Variants in LPGAT1 observed in about 807,000 individuals in gnomAD.
The protein encoded by LPGAT1 is lysophosphatidylglycerol acyltransferase 1.
In LPGAT1, 11 loss-of-function variants were observed where a neutral mutation model predicts 47.5. The observed-to-expected ratio is 0.23, with a 90% CI of 0.15 to 0.38. LPGAT1 has a LOEUF of 0.38. LPGAT1 is among the 10% of genes least tolerant of loss of function. LPGAT1 has a pLI of 1.00. For missense variants in LPGAT1, 293 were observed against 439.0 expected (o/e 0.67, Z 2.97); for synonymous variants, 138 against 144.2 (o/e 0.96, Z 0.31).
chr1:211,759,020 A>C (rs1657579802), intron 6 of LPGAT1, among the ~76,000 whole-genome samples: 1 of 152,192 alleles, frequency 6.6e-6, no homozygotes, highest in African/African-American at 2.4e-5. Context: ...TGAATTTTAA[A>C]CCAACCTTTC....
chr1:211,825,698 C>T lies in LPGAT1; in HGVS notation c.238+3361G>A, dbSNP rs542664613. On this transcript the variant is annotated intron_variant, in intron 2 of 7. Coordinates refer to ENST00000366997, the MANE Select transcript of LPGAT1 (RefSeq NM_014873.3). The stretch of plus-strand genomic sequence containing the variant: ...AAAACAGGCCAGGGGCGATGGCTCA[C>T]GCCTATAATCCCAGCACTCTGGGAG... Among the ~76,000 whole-genome samples the T allele has an allele frequency of 3.3e-5, 5 of 152,354 alleles. No homozygotes were observed. The East Asian group carries it at 7.7e-4, about 23-fold the overall frequency.
chr1:211,805,863 T>G (rs11119813), intron 2 of LPGAT1, among the ~76,000 whole-genome samples: 53,572 of 151,958 alleles, frequency 0.35, 10,170 homozygotes, highest in Non-Finnish European at 0.43. Context: ...AAAACCATCA[T>G]GAATAGAGGC....
At chr1:211,782,649 C>T (rs74758659) in intron 5 of LPGAT1, among the ~76,000 whole-genome samples, 7,129 of 152,024 alleles carry the variant, frequency 0.047, 252 homozygotes, top group African/African-American at 0.091. Flanking sequence ...GTGGGAAGAT[C>T]GCTTGAGCCC....
rs1657089895 is a variant in LPGAT1, at chr1:211,749,577, CTG to C, written c.*320_*321del. 1 of 285,130 alleles carries C rather than the reference CTG, an allele frequency of 3.5e-6. No homozygotes were observed. The highest frequency in any genetic ancestry group is 2.3e-5 in the African/African-American group (1 of 43,194). 17.7% of individuals were successfully genotyped at this position (285,130 alleles called of 1,614,324 possible). A position where few individuals can be genotyped will look rare whatever the true frequency, so the allele number is the denominator to read the frequency against. On this transcript the variant is annotated 3_prime_UTR_variant, in exon 8 of 8. Coordinates refer to ENST00000366997, the MANE Select transcript of LPGAT1 (RefSeq NM_014873.3). Reference sequence around the variant, plus strand: ...GCTTCAACTAAATTGTCAAGTATAACTGGTGGCAACAGAATTTCTCTCAGATA... The same window carrying C: ...GCTTCAACTAAATTGTCAAGTATAACGTGGCAACAGAATTTCTCTCAGATA...
chr1:211,815,550 C>G (rs1053362296), intron 2 of LPGAT1, among the ~76,000 whole-genome samples: 4 of 152,156 alleles, frequency 2.6e-5, no homozygotes, highest in Non-Finnish European at 5.9e-5. Context: ...TACAAAGCTG[C>G]AGAGTAGAAT....
intron 6 of LPGAT1, among the ~76,000 whole-genome samples, chr1:211,751,364 TTA>T (rs1392854842): frequency 3.3e-5 from 5 of 152,210 alleles, no homozygotes; most frequent in Non-Finnish European, 5.9e-5. Context: ...CAGAGAATAA[TTA>T]TGTCTTCCCA....
Position 211,747,203 on chromosome 1 carries a change from C to T in LPGAT1, c.*2696G>A, listed in dbSNP as rs540087136. The T allele has an allele frequency of 7.5e-4, 114 of 152,150 alleles. 1 individual carries two copies. The highest frequency in any genetic ancestry group is 2.7e-3 in the African/African-American group (112 of 41,500). The allele number at this position is 152,150 out of a possible 1,614,324, so 9.4% of individuals were successfully genotyped here. On this transcript the variant is annotated 3_prime_UTR_variant, in exon 8 of 8. Coordinates refer to ENST00000366997, the MANE Select transcript of LPGAT1 (RefSeq NM_014873.3). ...ATAAGAATACTGATTCTCTCTTTACCTTCTCTAGTGCAAGCAGGAGAACTC... is the reference window on the plus strand; with the variant it reads ...ATAAGAATACTGATTCTCTCTTTACTTTCTCTAGTGCAAGCAGGAGAACTC...
chr1:211,796,261 T>C (rs1302531192), intron 2 of LPGAT1, among the ~76,000 whole-genome samples: 1 of 152,154 alleles, frequency 6.6e-6, no homozygotes, highest in African/African-American at 2.4e-5. Flanking sequence ...CAAAAATTCA[T>C]GTCCCCCCAA....
chr1:211,790,930 A>T (rs1325036799), intron 3 of LPGAT1, among the ~76,000 whole-genome samples: 1 of 152,222 alleles, frequency 6.6e-6, no homozygotes, highest in African/African-American at 2.4e-5. Flanking sequence ...TAATGATCCT[A>T]TCTGTAAGAG....
intron 2 of LPGAT1, among the ~76,000 whole-genome samples, chr1:211,817,265 C>T (rs546333416): frequency 6.6e-6 from 1 of 152,272 alleles, no homozygotes; most frequent in South Asian, 2.1e-4. Context: ...TCATAACGAA[C>T]TCAACTATTC....
chr1:211,792,669 T>C (rs2102554749), intron 3 of LPGAT1, among the ~76,000 whole-genome samples: 1 of 151,678 alleles, frequency 6.6e-6, no homozygotes, highest in South Asian at 2.1e-4. Context: ...TTAAAGTCTA[T>C]GTCTATATTT....
intron 6 of LPGAT1, among the ~76,000 whole-genome samples, chr1:211,761,161 C>T (rs750427011): frequency 3.9e-5 from 6 of 152,112 alleles, no homozygotes; most frequent in Non-Finnish European, 7.4e-5. Flanking sequence ...CTTATGCATG[C>T]CACCACTTGC....
intron 1 of LPGAT1, chr1:211,829,950 G>GA (rs1404888192): frequency 1.0e-6 from 1 of 984,770 alleles, no homozygotes; most frequent in Non-Finnish European, 1.2e-6. Context: ...GTTATAATGC[G>GA]AAAAAGAGGA....
At chr1:211,825,054 A>G (rs1476133915) in intron 2 of LPGAT1, among the ~76,000 whole-genome samples, 1 of 152,144 alleles carries the variant, frequency 6.6e-6, no homozygotes, top group Non-Finnish European at 1.5e-5. Context: ...ACAGCTTGGC[A>G]GCAAGTCCCC....
At position 211,749,338 on chromosome 1, in the gene LPGAT1, A is replaced by T. The variant is rs1657079449; in HGVS notation, c.*561T>A. 1 of 155,838 alleles carries T rather than the reference A, an allele frequency of 6.4e-6. No individual in the cohort carries two copies. The highest frequency in any genetic ancestry group is 1.4e-5 in the Non-Finnish European group (1 of 70,674). The allele number at this position is 155,838 out of a possible 1,614,324, so 9.7% of individuals were successfully genotyped here. On this transcript the variant is annotated 3_prime_UTR_variant, in exon 8 of 8. Coordinates refer to ENST00000366997, the MANE Select transcript of LPGAT1 (RefSeq NM_014873.3). Reference sequence around the variant, plus strand: ...CCAGTGGACACTGCTTTTCCCCCACAGAGAATGTCAATATTCTAGAGTTTG... The same window carrying T: ...CCAGTGGACACTGCTTTTCCCCCACTGAGAATGTCAATATTCTAGAGTTTG...
At chr1:211,808,331 C>T (rs1167562730) in intron 2 of LPGAT1, among the ~76,000 whole-genome samples, 2 of 129,514 alleles carry the variant, frequency 1.5e-5, no homozygotes, top group African/African-American at 2.9e-5. Flanking sequence ...GTCTGCGCAA[C>T]AAGGGCGAAA....
chr1:211,756,128 C>T (rs1276829256), intron 6 of LPGAT1, among the ~76,000 whole-genome samples: 5 of 151,792 alleles, frequency 3.3e-5, no homozygotes, highest in African/African-American at 9.7e-5. Flanking sequence ...CCCAGCTACC[C>T]GGGAGGCTGA....
At chr1:211,803,769 T>C (rs1480915026) in intron 2 of LPGAT1, among the ~76,000 whole-genome samples, 2 of 150,994 alleles carry the variant, frequency 1.3e-5, no homozygotes, top group Non-Finnish European at 3.0e-5. Flanking sequence ...TCTTTCTTTT[T>C]TTTTTTTTTT....
rs1008803722 is a variant in LPGAT1 at position 211,829,497 on chromosome 1, G to C, written c.-27-174C>G. The C allele has an allele frequency of 6.3e-5, 90 of 1,430,934 alleles. 1 individual carries two copies. Among genetic ancestry groups the C allele is most frequent in the Non-Finnish European group, 7.2e-5 (79 of 1,098,248 alleles). 88.6% of individuals were successfully genotyped at this position (1,430,934 alleles called of 1,614,324 possible). On this transcript the variant is annotated intron_variant, in intron 1 of 7. Transcript: ENST00000366997. ...TTCCAGAGGGGGACAGAGAGCGAGG[G>C]AGGAGGAGCCGCACAAGGTCAAGGG...
Sources: allele counts gnomAD v4.1 joint callset (sites outside exome capture counted in the v4.1 genomes callset), GRCh38; gene constraint gnomAD v4.1.1; transcripts MANE v1.5; gene names NCBI Gene and HGNC (gene_info 2026-07-23, HGNC 2026-07-21).